KLHL32: variants seen among roughly 807,000 people sequenced by gnomAD.
KLHL32 encodes the protein kelch-like protein 32.
A neutral mutation model predicts 64.8 loss-of-function variants in KLHL32; 35 were observed. The ratio of observed to expected loss-of-function variants is 0.54; its 90% CI spans 0.41 to 0.72. The LOEUF is 0.72. Ranked by LOEUF, KLHL32 falls within the 30% of genes least tolerant of loss-of-function variation. KLHL32 has a pLI of 0.00. For missense variants in KLHL32, 589 were observed against 768.5 expected, an observed-to-expected ratio of 0.77 and a Z score of 2.76; for synonymous variants, 259 against 281.0, an observed-to-expected ratio of 0.92 and a Z score of 0.78.
chr6:97,052,090 A>G (rs1389626371), intron 4 of KLHL32, among the ~76,000 whole-genome samples: 1 of 152,248 alleles, frequency 6.6e-6, no homozygotes, highest in African/African-American at 2.4e-5. Flanking sequence ...AAGCACCAAT[A>G]GAATTTCCTA....
intron 1 of KLHL32, among the ~76,000 whole-genome samples, chr6:96,937,837 A>G (rs145125268): frequency 1.3e-5 from 2 of 152,008 alleles, no homozygotes; most frequent in Admixed American, 6.6e-5. Flanking sequence ...ATCTTTAGAG[A>G]TGTGGCTTCC....
chr6:97,084,490 A>C (rs1391794170), intron 5 of KLHL32, among the ~76,000 whole-genome samples: 4 of 152,188 alleles, frequency 2.6e-5, no homozygotes, highest in Admixed American at 2.0e-4. Context: ...TGAGGCTGAG[A>C]AAAAAACAAA....
intron 7 of KLHL32, among the ~76,000 whole-genome samples, chr6:97,126,095 T>G (rs1410950697): frequency 6.6e-6 from 1 of 152,184 alleles, no homozygotes; most frequent in African/African-American, 2.4e-5. Flanking sequence ...CAGTGTTTGT[T>G]TTTTAAATTC....
chr6:97,096,378 C>A (rs865865960), intron 6 of KLHL32, among the ~76,000 whole-genome samples: 2 of 152,198 alleles, frequency 1.3e-5, no homozygotes, highest in South Asian at 2.1e-4. Flanking sequence ...AATCATAATA[C>A]TCCCACCATT....
chr6:96,956,433 ATGC>A (rs1773291518), intron 1 of KLHL32, among the ~76,000 whole-genome samples: 1 of 152,178 alleles, frequency 6.6e-6, no homozygotes, highest in Non-Finnish European at 1.5e-5. Context: ...CCTGTATACT[ATGC>A]TGCATCTCCA....
chr6:97,099,332 G>A (rs569103527), intron 6 of KLHL32, among the ~76,000 whole-genome samples: 15 of 152,296 alleles, frequency 9.8e-5, no homozygotes, highest in Middle Eastern at 3.4e-3. Flanking sequence ...CCTGCTCATG[G>A]GGCCCAGTTT....
intron 7 of KLHL32, among the ~76,000 whole-genome samples, chr6:97,121,915 A>T (rs990985095): frequency 6.6e-6 from 1 of 152,228 alleles, no homozygotes; most frequent in Non-Finnish European, 1.5e-5. Flanking sequence ...ATCCAAGAGC[A>T]CAGCAAAGCT....
intron 10 of KLHL32, among the ~76,000 whole-genome samples, chr6:97,137,138 G>T (rs1190538545): frequency 2.0e-5 from 3 of 152,092 alleles, no homozygotes; most frequent in Non-Finnish European, 4.4e-5. Flanking sequence ...CCCCACCGGG[G>T]TTTTCCCTTT....
intron 3 of KLHL32, among the ~76,000 whole-genome samples, chr6:97,015,539 A>G (rs569078368): frequency 2.0e-5 from 3 of 152,338 alleles, no homozygotes; most frequent in South Asian, 2.1e-4. Context: ...CCCCTGCCCT[A>G]GAGACCTGTG....
intron 3 of KLHL32, among the ~76,000 whole-genome samples, chr6:97,008,906 C>T (rs922595647): frequency 4.6e-5 from 7 of 152,000 alleles, no homozygotes; most frequent in Non-Finnish European, 2.9e-5. Flanking sequence ...CTTAGCCGGC[C>T]GTCTTGGCTC....
chr6:97,139,288 C>T lies in KLHL32; in HGVS notation c.*6C>T, dbSNP rs757907003. ...ACAGGATTGGCACCATCTGAAAAGC[C>T]AAGCCATCATGAACAGGAGGAAAAC... On this transcript the variant is annotated 3_prime_UTR_variant, in exon 11 of 11. Coordinates refer to ENST00000369261, the MANE Select transcript of KLHL32 (RefSeq NM_052904.4). The T allele has an allele frequency of 3.7e-6, 6 of 1,611,154 alleles. No individual in the cohort carries two copies. The highest frequency in any genetic ancestry group is 5.1e-6 in the Non-Finnish European group (6 of 1,178,350).
chr6:96,922,367 G>C (rs937221744), upstream of KLHL32, among the ~76,000 whole-genome samples: 6 of 152,178 alleles, frequency 3.9e-5, no homozygotes, highest in Non-Finnish European at 5.9e-5. Context: ...GCCCTCTGGA[G>C]TTCTCCTGCT....
the KLHL32 span, among the ~76,000 whole-genome samples, chr6:96,917,725 C>G: frequency 1.3e-5 from 2 of 152,030 alleles, no homozygotes; most frequent in Non-Finnish European, 2.9e-5. Context: ...ATTCCTGTGA[C>G]GGGCTTAAGA....
intron 3 of KLHL32, among the ~76,000 whole-genome samples, chr6:97,031,250 C>A (rs1400856131): frequency 2.0e-5 from 3 of 152,116 alleles, no homozygotes; most frequent in Non-Finnish European, 4.4e-5. Flanking sequence ...ATGTATTATA[C>A]CCAAGACATT....
At chr6:96,952,209 T>G (rs1400970603) in intron 1 of KLHL32, among the ~76,000 whole-genome samples, 1 of 152,212 alleles carries the variant, frequency 6.6e-6, no homozygotes, top group Non-Finnish European at 1.5e-5. Context: ...ACTGGAATAA[T>G]TGGGTAAATA....
In KLHL32 at chr6:97,061,992, C is replaced by T. The variant is rs549433125; in HGVS notation, c.313-2636C>T. 1.8e-4 allele frequency among the ~76,000 whole-genome samples: 28 copies of T among 152,238 alleles called. No homozygotes were observed. The South Asian group carries it at 5.6e-3, about 30-fold the overall frequency. On this transcript the variant is annotated intron_variant, in intron 4 of 10. Coordinates refer to ENST00000369261, the MANE Select transcript of KLHL32 (RefSeq NM_052904.4). ...CCTGGTAGGGTTTCTTTCTCCAACC[C>T]TTTAAGAGCACTTAGAGATTTTCTG...
intron 3 of KLHL32, among the ~76,000 whole-genome samples, chr6:97,009,506 T>C (rs1400451424): frequency 1.3e-5 from 2 of 152,202 alleles, no homozygotes; most frequent in Admixed American, 6.5e-5. Context: ...CTTGTATAAA[T>C]GTACTTTGAA....
chr6:96,955,740 C>T (rs944281343), intron 1 of KLHL32, among the ~76,000 whole-genome samples: 1 of 152,064 alleles, frequency 6.6e-6, no homozygotes, highest in East Asian at 1.9e-4. Flanking sequence ...AGTTCGAGAC[C>T]AGCTAGGCCA....
chr6:96,955,724 G>A (rs962364081), intron 1 of KLHL32, among the ~76,000 whole-genome samples: 1 of 152,098 alleles, frequency 6.6e-6, no homozygotes, highest in Non-Finnish European at 1.5e-5. Flanking sequence ...ATCATCTGAG[G>A]TCAGGAGTTC....
Sources: allele counts gnomAD v4.1 joint callset (sites outside exome capture counted in the v4.1 genomes callset), GRCh38; gene constraint gnomAD v4.1.1; transcripts MANE v1.5; gene names NCBI Gene and HGNC (gene_info 2026-07-23, HGNC 2026-07-21).